The following CHN2 variants were observed in gnomAD, a reference collection of about 807,000 sequenced individuals.
CHN2 encodes beta-chimaerin.
In CHN2, 35 loss-of-function variants were observed where a neutral mutation model predicts 56.3. The observed-to-expected ratio is 0.62, with a 90% CI of 0.47 to 0.82. The LOEUF is 0.82. CHN2 is among the 40% of genes least tolerant of loss of function. The pLI, the probability that CHN2 is intolerant of heterozygous loss-of-function variation, is 0.00. For synonymous variants in CHN2, 210 were observed against 212.8 expected (o/e 0.99, Z 0.12); for missense variants, 491 against 580.5 (o/e 0.85, Z 1.58).
intron 1 of CHN2, among the ~76,000 whole-genome samples, chr7:29,339,324 C>T (rs1042358213): frequency 2.6e-5 from 4 of 152,014 alleles, no homozygotes; most frequent in African/African-American, 4.8e-5. Context: ...TCCTGACCCT[C>T]GGCCACCCAG....
chr7:29,228,163 C>T (rs983764400), intron 1 of CHN2, among the ~76,000 whole-genome samples: 4 of 150,322 alleles, frequency 2.7e-5, no homozygotes, highest in South Asian at 2.1e-4. Flanking sequence ...TATATATACA[C>T]ACACACACAC....
chr7:29,167,500 AT>A (rs1458340963), intron 2 of CHN2, among the ~76,000 whole-genome samples: 1 of 152,194 alleles, frequency 6.6e-6, no homozygotes, highest in Non-Finnish European at 1.5e-5. Flanking sequence ...TGGTGCACAT[AT>A]GCAAAACTAT....
Position 29,512,596 on chromosome 7 carries a change from A to G in CHN2, c.1268A>G (p.Asn423Ser). The change falls in exon 13 of 13, where the codon AAT becomes AGT. Residue 423 changes from asparagine to serine, a missense_variant. Transcript: ENST00000222792. ...ATGAATGAAAAAGACAATTTCATGA[A>G]TGCAGAAAATCTGGGGATCGTGTTT... ...VTMNEKDNFM[N>S]AENLGIVFGP... The G allele has an allele frequency of 6.2e-7, 1 of 1,613,270 alleles. No homozygotes were observed. Among genetic ancestry groups the G allele is most frequent in the East Asian group, 2.2e-5 (1 of 44,882 alleles).
At chr7:29,289,422 G>A (rs963835012) in intron 1 of CHN2, among the ~76,000 whole-genome samples, 7 of 152,112 alleles carry the variant, frequency 4.6e-5, no homozygotes, top group Admixed American at 2.6e-4. Flanking sequence ...AGATGTCTCC[G>A]AGAGGGGGAT....
At chr7:29,321,601 G>A (rs550124900) in intron 1 of CHN2, among the ~76,000 whole-genome samples, 22 of 124,498 alleles carry the variant, frequency 1.8e-4, no homozygotes, top group East Asian at 4.5e-4. Flanking sequence ...ATGGAATTTC[G>A]CTCTTCTTGC....
chr7:29,166,659 T>C (rs1180549914), intron 2 of CHN2, among the ~76,000 whole-genome samples: 1 of 152,108 alleles, frequency 6.6e-6, no homozygotes, highest in African/African-American at 2.4e-5. Context: ...AAAAAGATGG[T>C]TGTAATATTT....
chr7:29,362,095 A>T (rs921181150), intron 2 of CHN2, among the ~76,000 whole-genome samples: 1 of 152,234 alleles, frequency 6.6e-6, no homozygotes, highest in Non-Finnish European at 1.5e-5. Context: ...AGAGTAAGCA[A>T]TGCCAGAGAT....
intron 2 of CHN2, among the ~76,000 whole-genome samples, chr7:29,147,669 C>G (rs1418875896): frequency 6.6e-6 from 1 of 152,168 alleles, no homozygotes; most frequent in Non-Finnish European, 1.5e-5. Context: ...TTCCTACCCA[C>G]CTAGCTCTTT....
At chr7:29,167,406 T>G (rs1796056662) in intron 2 of CHN2, among the ~76,000 whole-genome samples, 1 of 152,198 alleles carries the variant, frequency 6.6e-6, no homozygotes, top group Non-Finnish European at 1.5e-5. Context: ...TCTGCGGACA[T>G]GAGAGCTATT....
chr7:29,509,510 A>T, intron 12 of CHN2, 104 bp downstream of exon 12: 1 of 879,062 alleles, frequency 1.1e-6, no homozygotes. Context: ...CTGGAGTTTC[A>T]CTGTGCCAGG....
At chr7:29,342,259 G>C (rs940536898) in intron 1 of CHN2, among the ~76,000 whole-genome samples, 11 of 152,112 alleles carry the variant, frequency 7.2e-5, no homozygotes, top group African/African-American at 2.7e-4. Flanking sequence ...TGGATGGAGA[G>C]ATTATTCAGG....
intron 2 of CHN2, among the ~76,000 whole-genome samples, chr7:29,166,626 C>G (rs1795951582): frequency 6.6e-6 from 1 of 152,060 alleles, no homozygotes; most frequent in Non-Finnish European, 1.5e-5. Context: ...TCCATTTTAT[C>G]TAAGTTGTCA....
At chr7:29,293,193 A>C (rs904589263) in intron 1 of CHN2, among the ~76,000 whole-genome samples, 7 of 152,124 alleles carry the variant, frequency 4.6e-5, no homozygotes, top group Non-Finnish European at 7.4e-5. Flanking sequence ...CTGCTGCCTA[A>C]GGGCCCCATT....
chr7:29,334,744 A>T (rs1413540962), intron 1 of CHN2, among the ~76,000 whole-genome samples: 4 of 151,790 alleles, frequency 2.6e-5, no homozygotes, highest in Non-Finnish European at 4.4e-5. Flanking sequence ...CGACAGAGCC[A>T]GACCCTGTCT....
intron 7 of CHN2, among the ~76,000 whole-genome samples, chr7:29,493,398 T>C (rs1458031874): frequency 2.0e-5 from 3 of 152,182 alleles, no homozygotes; most frequent in Admixed American, 6.5e-5. Context: ...ACCATACTTT[T>C]TGTTCATTCA....
At chr7:29,512,236 G>T (rs965535767) in intron 12 of CHN2, among the ~76,000 whole-genome samples, 1 of 151,546 alleles carries the variant, frequency 6.6e-6, no homozygotes, top group Non-Finnish European at 1.5e-5. Flanking sequence ...GCCAGCCTCA[G>T]AATCTGCTGC....
At position 29,399,497 on chromosome 7, in the gene CHN2, G is replaced by C. The variant is rs73687409; in HGVS notation, c.290+1011G>C. 1.3e-3 allele frequency among the ~76,000 whole-genome samples: 193 copies of C among 152,208 alleles called. 1 individual carries two copies. The highest frequency in any genetic ancestry group is 4.3e-3 in the African/African-American group (178 of 41,524). Reference sequence around the variant, plus strand: ...ACATAAGAAAGACAGCACATTTATGGCACTTTTCAAACCTTGATCAAATAT... The same window carrying C: ...ACATAAGAAAGACAGCACATTTATGCCACTTTTCAAACCTTGATCAAATAT... On this transcript the variant is annotated intron_variant, in intron 5 of 12. Transcript: ENST00000222792.
At chr7:29,211,898 AT>A (rs1784988186) in intron 1 of CHN2, among the ~76,000 whole-genome samples, 1 of 152,320 alleles carries the variant, frequency 6.6e-6, no homozygotes, top group East Asian at 1.9e-4. Flanking sequence ...ATAACTTTTT[AT>A]AAAGAACATT....
chr7:29,415,819 G>GGCATCTGCATTTTT (rs1562589966), intron 6 of CHN2, among the ~76,000 whole-genome samples: 1 of 152,158 alleles, frequency 6.6e-6, no homozygotes. Flanking sequence ...GTAACATTGA[G>GGCATCTGCATTTTT]GCATCTGCAT....
Sources: allele counts gnomAD v4.1 joint callset (sites outside exome capture counted in the v4.1 genomes callset), GRCh38; gene constraint gnomAD v4.1.1; transcripts MANE v1.5; gene names NCBI Gene and HGNC (gene_info 2026-07-23, HGNC 2026-07-21).